COG1: variants seen among roughly 807,000 people sequenced by gnomAD.
COG1 encodes component of oligomeric golgi complex 1.
In COG1, 61 loss-of-function variants were observed where a neutral mutation model predicts 102.2. The ratio of observed to expected loss-of-function variants is 0.60; its 90% CI spans 0.49 to 0.74. COG1 has a LOEUF of 0.74. Ranked by LOEUF, COG1 falls within the 30% of genes least tolerant of loss-of-function variation. The pLI is 0.00. For missense variants in COG1, 1,164 were observed against 1,232.1 expected (o/e 0.94, Z 0.83); for synonymous variants, 454 against 493.6 (o/e 0.92, Z 1.06).
At position 73,206,690 on chromosome 17, in the gene COG1, C is replaced by A; in HGVS notation, c.2620-18C>A. 6.5e-7 allele frequency: 1 copy of A among 1,537,284 alleles called. No homozygotes were observed. Among genetic ancestry groups the A allele is most frequent in the Non-Finnish European group, 9.0e-7 (1 of 1,113,146 alleles). On this transcript the variant is annotated intron_variant, in intron 11 of 13. Transcript: ENST00000299886. Reference sequence around the variant, plus strand: ...TTACCTGCACAATGAAACCTCTGCTCCACCTCTTGTCTGCCAGGTTCTGTT... The same window carrying A: ...TTACCTGCACAATGAAACCTCTGCTACACCTCTTGTCTGCCAGGTTCTGTT...
At chr17:73,198,195 C>T (rs899905569) in intron 4 of COG1, among the ~76,000 whole-genome samples, 1 of 151,588 alleles carries the variant, frequency 6.6e-6, no homozygotes, top group African/African-American at 2.4e-5. Context: ...ATTGCATGTT[C>T]GGACGTCTGT....
In COG1 at chr17:73,205,543, T is replaced by C. The variant is rs369961643; in HGVS notation, c.2383-10T>C. 54 of 1,613,942 alleles carry C rather than the reference T, an allele frequency of 3.3e-5. No homozygotes were observed. The highest frequency in any genetic ancestry group is 4.0e-5 in the Non-Finnish European group (47 of 1,179,984). ...CTCTTCATGGGTGGGGACTGGGAAT[T>C]CATTTGCAGAAAGAAGGTGCATTTC... On this transcript the variant is annotated splice_polypyrimidine_tract_variant and intron_variant, in intron 9 of 13. Transcript: ENST00000299886.
At chr17:73,205,161 TCAAAACAAA>T in intron 9 of COG1, 1 of 256,598 alleles carries the variant, frequency 3.9e-6, no homozygotes, top group East Asian at 1.0e-4. Context: ...AGACTCTATC[TCAAAACAAA>T]CAAACAAACA....
chr17:73,194,147 A>G (rs1005723536), intron 1 of COG1, among the ~76,000 whole-genome samples: 1 of 151,152 alleles, frequency 6.6e-6, no homozygotes, highest in African/African-American at 2.4e-5. Flanking sequence ...TTGCGTTCCT[A>G]AAGAATTTTT....
chr17:73,201,864 G>T lies in COG1; in HGVS notation c.2037G>T (p.Val679=). 1 of 1,614,226 alleles carries T rather than the reference G, an allele frequency of 6.2e-7. No individual in the cohort carries two copies. Among genetic ancestry groups the T allele is most frequent in the Non-Finnish European group, 8.5e-7 (1 of 1,180,038 alleles). The change falls in exon 7 of 14, where the codon GTG becomes GTT. Residue 679 remains valine, a synonymous_variant. Transcript: ENST00000299886. ...AAGAAGTACTCCTCCAGCAGAGCGT[G>T]ATGGGCTACCAGGTCTGGAGCAGTG... is the stretch of plus-strand genomic sequence containing the variant. ...EVKEVLLQQS[V]MGYQVWSSAV...
chr17:73,205,773 C>T (rs908648145), intron 10 of COG1, 93 bp downstream of exon 10: 12 of 1,480,332 alleles, frequency 8.1e-6, no homozygotes, highest in African/African-American at 1.4e-5. Context: ...GCCTGTTATA[C>T]TGCACATTCA....
chr17:73,202,856 A>C (rs1328738622), intron 7 of COG1, 144 bp from the exon 8 acceptor site: 2 of 863,768 alleles, frequency 2.3e-6, no homozygotes, highest in East Asian at 2.5e-5. Flanking sequence ...GATATCATTG[A>C]TAATTAGCCA....
At chr17:73,206,654 T>C in intron 11 of COG1, 54 bp from the exon 12 acceptor site, 1 of 1,157,286 alleles carries the variant, frequency 8.6e-7, no homozygotes, top group Non-Finnish European at 1.3e-6. Context: ...TTTTTTTTTT[T>C]TGCCTTTCTT....
At chr17:73,193,656 C>T (rs1460071948) in intron 1 of COG1, among the ~76,000 whole-genome samples, 5 of 152,236 alleles carry the variant, frequency 3.3e-5, no homozygotes, top group Non-Finnish European at 7.3e-5. Flanking sequence ...ATTCCTACAC[C>T]TCACTGGGCT....
intron 13 of COG1, chr17:73,207,665 G>A: frequency 7.7e-7 from 1 of 1,295,388 alleles, no homozygotes; most frequent in Non-Finnish European, 1.0e-6. Context: ...TTCCCCAAAA[G>A]TTTGACATTT....
intron 9 of COG1, 28 bp from the exon 10 acceptor site, chr17:73,205,525 T>C: frequency 6.2e-7 from 1 of 1,613,796 alleles, no homozygotes; most frequent in Non-Finnish European, 8.5e-7. Flanking sequence ...TCTCTCTTCA[T>C]GGGTGGGGAC....
rs551080000 is a variant in COG1, at chr17:73,193,098, T to C, written c.29T>C (p.Leu10Pro). 1.9e-6 allele frequency: 3 copies of C among 1,608,506 alleles called. No homozygotes were observed. The South Asian group carries it at 3.3e-5, about 18-fold the overall frequency. Residue 10 changes from leucine (L) to proline (P), a missense_variant, in exon 1 of 14, where the codon CTG becomes CCG. Transcript: ENST00000299886. MATAATSPALKRLDLRDPAA... is the reference protein window; with the variant it reads MATAATSPAPKRLDLRDPAA... ...GCCACCGCGGCAACCTCACCCGCGC[T>C]GAAGCGGCTGGATCTGCGCGACCCT... is the stretch of plus-strand genomic sequence containing the variant.
chr17:73,204,082 G>A lies in COG1; in HGVS notation c.2382+289G>A, dbSNP rs143259389. 1.2e-3 allele frequency among the ~76,000 whole-genome samples: 188 copies of A among 152,286 alleles called. 3 individuals are homozygous for A. In the East Asian group the frequency reaches 0.027, roughly 22 times the overall value. The stretch of plus-strand genomic sequence containing the variant: ...AGGCTGAGGTGGGAGGATGGCTTCA[G>A]CTTGGGAGTTCACGGCTGCAATGAG... On this transcript the variant is annotated intron_variant, in intron 9 of 13. Coordinates refer to ENST00000299886, the MANE Select transcript of COG1 (RefSeq NM_018714.3).
rs750352464 is a variant in COG1 at position 73,208,444 on chromosome 17, C to CTAAG, written c.2940_2943dup. 1 of 1,614,122 alleles carries CTAAG rather than the reference C, an allele frequency of 6.2e-7. No individual in the cohort carries two copies. ...AAACTTGGCTGGCTCTCTAGTATGA[C>CTAAG]TAAGTAACATGGCAACACATCTGTC... is the stretch of plus-strand genomic sequence containing the variant. On this transcript the variant is annotated frameshift_variant, in exon 14 of 14. Coordinates refer to ENST00000299886, the MANE Select transcript of COG1 (RefSeq NM_018714.3). LOFTEE classifies it high-confidence loss of function.
rs1568297499 is a variant in COG1 at position 73,203,042 on chromosome 17, G to T, written c.2116G>T (p.Ala706Ser). Residue 706 changes from alanine to serine, a missense_variant, in exon 8 of 14, where the codon GCT becomes TCT. Transcript: ENST00000299886. ...CACCCAGTCATTACTTCTAGATGAT[G>T]CTGGCTCAGTTCTGGCCACAGCCAC... is the stretch of plus-strand genomic sequence containing the variant. ...GFTQSLLLDDAGSVLATATSW... is the reference protein window; with the variant it reads ...GFTQSLLLDDSGSVLATATSW... 1 of 1,614,142 alleles carries T rather than the reference G, an allele frequency of 6.2e-7. No homozygotes were observed. Among genetic ancestry groups the T allele is most frequent in the African/African-American group, 1.3e-5 (1 of 75,038 alleles).
intron 10 of COG1, 113 bp from the exon 11 acceptor site, chr17:73,206,041 A>G: frequency 1.1e-6 from 1 of 894,086 alleles, no homozygotes; most frequent in South Asian, 1.4e-5. Context: ...GTACTAAGCC[A>G]GCAACTAAGT....
At chr17:73,202,975 A>G in intron 7 of COG1, 25 bp from the exon 8 acceptor site, 2 of 1,613,068 alleles carry the variant, frequency 1.2e-6, no homozygotes, top group Non-Finnish European at 1.7e-6. Context: ...AGTGGCTTGT[A>G]TGGATATCTG....
At position 73,208,091 on chromosome 17, in the gene COG1, A is replaced by AAGAC. The variant is rs910514238; in HGVS notation, c.2806-220_2806-217dup. On this transcript the variant is annotated intron_variant, in intron 13 of 13. Coordinates refer to ENST00000299886, the MANE Select transcript of COG1 (RefSeq NM_018714.3). ...AAGTGCCTGTGTCTACCCTTTTCCC[A>AAGAC]AGACAGTCCTCATTTCCAAATTCTA... 4 of 1,435,738 alleles carry AAGAC rather than the reference A, an allele frequency of 2.8e-6. No individual in the cohort carries two copies. In the African/African-American group the frequency reaches 4.3e-5, roughly 15 times the overall value. The allele number at this position is 1,435,738 out of a possible 1,614,324, so 88.9% of individuals were successfully genotyped here.
At position 73,207,254 on chromosome 17, in the gene COG1, C is replaced by T; in HGVS notation, c.2803C>T (p.Gln935Ter). The change falls in exon 13 of 14, where the codon CAG (glutamine) becomes TAG (stop). Residue 935 changes from glutamine to a stop codon, truncating the protein, a stop_gained and splice_region_variant. Transcript: ENST00000299886. LOFTEE classifies it high-confidence loss of function. ...KSTRNIETKA[Q>*]VVPPARSTAG... Reference sequence around the variant, plus strand: ...AACCAGAAACATCGAAACAAAAGCTCAGGTTGGTGCCAAGAGCAAGAGGCT... The same window carrying T: ...AACCAGAAACATCGAAACAAAAGCTTAGGTTGGTGCCAAGAGCAAGAGGCT... 6.2e-7 allele frequency: 1 copy of T among 1,614,004 alleles called. No individual in the cohort carries two copies. The highest frequency in any genetic ancestry group is 1.1e-5 in the South Asian group (1 of 91,050).
Sources: allele counts gnomAD v4.1 joint callset (sites outside exome capture counted in the v4.1 genomes callset), GRCh38; gene constraint gnomAD v4.1.1; transcripts MANE v1.5; gene names NCBI Gene and HGNC (gene_info 2026-07-23, HGNC 2026-07-21).